The following ATP9B variants were observed in gnomAD, a reference collection of about 807,000 sequenced individuals.
ATP9B encodes ATPase phospholipid transporting 9B.
In ATP9B, 110 loss-of-function variants were observed where a neutral mutation model predicts 146.1. That is an observed-to-expected ratio of 0.75 (90% CI 0.65 to 0.88). The LOEUF (loss-of-function observed/expected upper bound fraction) is 0.88, where lower values mean the gene tolerates loss of function less well. Ranked by LOEUF, ATP9B falls within the 40% of genes least tolerant of loss-of-function variation. The probability of loss-of-function intolerance (pLI) is 0.00; values close to 1 mark genes in which losing one functional copy is unlikely to be tolerated. For missense variants in ATP9B, 1,499 were observed against 1,496.4 expected (o/e 1.00, Z -0.03); for synonymous variants, 604 against 569.7 (o/e 1.06, Z -0.86).
chr18:79,303,914 A>G (rs2096607020), intron 14 of ATP9B, among the ~76,000 whole-genome samples, 198 bp downstream of exon 14: 1 of 152,206 alleles, frequency 6.6e-6, no homozygotes, highest in African/African-American at 2.4e-5. Context: ...GAAATCGTAG[A>G]AGGCATAGTG....
chr18:79,084,844 G>A (rs978463049), intron 1 of ATP9B, among the ~76,000 whole-genome samples: 2 of 152,120 alleles, frequency 1.3e-5, no homozygotes, highest in South Asian at 4.1e-4. Context: ...GTATTTAAAA[G>A]ATAACGTTGG....
chr18:79,336,103 CCA>C (rs2147239496), intron 17 of ATP9B, among the ~76,000 whole-genome samples: 1 of 147,682 alleles, frequency 6.8e-6, no homozygotes, highest in Admixed American at 6.7e-5. Flanking sequence ...TGTGCACCCA[CCA>C]TGCCCTCCCT....
chr18:79,241,508 G>T (rs1346881287), intron 11 of ATP9B, among the ~76,000 whole-genome samples: 1 of 152,118 alleles, frequency 6.6e-6, no homozygotes, highest in Non-Finnish European at 1.5e-5. Context: ...TGCTGATCAG[G>T]TTCCATACAG....
chr18:79,253,413 G>A lies in ATP9B; in HGVS notation c.1140G>A (p.Leu380=). The change falls in exon 12 of 30, where the codon CTG becomes CTA. Residue 380 remains leucine (L), a synonymous_variant. Transcript: ENST00000426216. The stretch of plus-strand genomic sequence containing the variant: ...TGTTGGACCTTGAACTCAATCGGCT[G>A]ACGAAAGCGCTATTTTTGGCTTTAG... ...VGLLDLELNR[L]TKALFLALVA... is the part of the protein sequence containing the mutation. 6.2e-7 allele frequency: 1 copy of A among 1,611,590 alleles called. No homozygotes were observed. Among genetic ancestry groups the A allele is most frequent in the Middle Eastern group, 1.7e-4 (1 of 6,058 alleles).
intron 19 of ATP9B, among the ~76,000 whole-genome samples, chr18:79,339,289 T>TAGGAAGTGTGTCATGATCGG (rs1568745957): frequency 1.5e-4 from 1 of 6,656 alleles, no homozygotes; most frequent in Non-Finnish European, 3.7e-4. Flanking sequence ...GTCATGATCG[T>TAGGAAGTGTGTCATGATCGG]AGTAGGAAGT....
At chr18:79,206,542 C>A (rs888778624) in intron 9 of ATP9B, among the ~76,000 whole-genome samples, 2 of 152,034 alleles carry the variant, frequency 1.3e-5, no homozygotes, top group Admixed American at 6.6e-5. Context: ...CACCTGTAAA[C>A]CTAGCTACTT....
At chr18:79,094,254 TCGGGGG>T (rs1259492091) in intron 1 of ATP9B, among the ~76,000 whole-genome samples, 1 of 152,238 alleles carries the variant, frequency 6.6e-6, no homozygotes, top group Non-Finnish European at 1.5e-5. Context: ...TTTTTGCAGC[TCGGGGG>T]TGAGCCTGGG....
At chr18:79,116,922 T>TAAAAAAAAAAAAAAAAATAAA (rs781553384) in intron 4 of ATP9B, among the ~76,000 whole-genome samples, 1 of 59,822 alleles carries the variant, frequency 1.7e-5, no homozygotes, top group Non-Finnish European at 3.8e-5. Flanking sequence ...TAGAGTATAA[T>TAAAAAAAAAAAAAAAAATAAA]AAAAAAAAAA....
intron 14 of ATP9B, among the ~76,000 whole-genome samples, chr18:79,304,108 C>T (rs1043751620): frequency 1.3e-5 from 2 of 151,598 alleles, no homozygotes; most frequent in African/African-American, 2.4e-5. Context: ...TTTGCCTTTT[C>T]GGTAGATAAA....
intron 9 of ATP9B, among the ~76,000 whole-genome samples, chr18:79,200,789 G>GTCGGGGTCA (rs1600408337): frequency 6.3e-5 from 5 of 79,118 alleles, no homozygotes; most frequent in East Asian, 6.3e-4. Context: ...AAGTAGTGGT[G>GTCGGGGTCA]GAATTGTTTT....
chr18:79,262,414 A>G (rs1041777692), intron 12 of ATP9B, among the ~76,000 whole-genome samples: 5 of 152,176 alleles, frequency 3.3e-5, no homozygotes, highest in African/African-American at 1.2e-4. Context: ...TTTATTTTAT[A>G]TATACAAACC....
chr18:79,306,020 G>T (rs1483685196), intron 14 of ATP9B, among the ~76,000 whole-genome samples: 1 of 152,236 alleles, frequency 6.6e-6, no homozygotes, highest in Non-Finnish European at 1.5e-5. Flanking sequence ...TGAGTTTGCT[G>T]TCTCGCAGCA....
At chr18:79,143,291 CT>C (rs1255413120) in intron 5 of ATP9B, among the ~76,000 whole-genome samples, 1 of 152,182 alleles carries the variant, frequency 6.6e-6, no homozygotes, top group Non-Finnish European at 1.5e-5. Context: ...AGAGAAATCA[CT>C]TTTAGTAATA....
intron 13 of ATP9B, among the ~76,000 whole-genome samples, chr18:79,287,067 G>A (rs1407470490): frequency 6.6e-6 from 1 of 152,172 alleles, no homozygotes; most frequent in Non-Finnish European, 1.5e-5. Context: ...AAGGATACTG[G>A]TCTAAAATTC....
chr18:79,252,253 G>A (rs1449683381), intron 11 of ATP9B, among the ~76,000 whole-genome samples: 2 of 152,228 alleles, frequency 1.3e-5, no homozygotes, highest in African/African-American at 4.8e-5. Flanking sequence ...GGGCTGTAAG[G>A]AAAACATCCC....
At chr18:79,356,467 A>C (rs1367112862) in intron 25 of ATP9B, among the ~76,000 whole-genome samples, 3 of 152,210 alleles carry the variant, frequency 2.0e-5, no homozygotes, top group African/African-American at 7.2e-5. Flanking sequence ...TGTGATCAAA[A>C]ACTAGGACCA....
At chr18:79,285,496 C>A (rs1396671625) in intron 13 of ATP9B, among the ~76,000 whole-genome samples, 3 of 152,120 alleles carry the variant, frequency 2.0e-5, no homozygotes, top group Non-Finnish European at 4.4e-5. Flanking sequence ...TATTTGAGTT[C>A]ATTGTAGATT....
chr18:79,099,099 T>TTC (rs1313891119), intron 2 of ATP9B, among the ~76,000 whole-genome samples: 2 of 152,242 alleles, frequency 1.3e-5, no homozygotes, highest in Non-Finnish European at 2.9e-5. Context: ...TCTAGCTTCA[T>TTC]AAGATGAATG....
At chr18:79,084,344 TAG>T (rs1391063100) in intron 1 of ATP9B, among the ~76,000 whole-genome samples, 1 of 152,030 alleles carries the variant, frequency 6.6e-6, no homozygotes, top group Admixed American at 6.5e-5. Context: ...ACCATATCTA[TAG>T]AGTTTTTTCA....
Sources: gnomAD v4.1 joint callset for allele counts (sites outside exome capture counted in the v4.1 genomes callset) on GRCh38, gnomAD v4.1.1 for gene constraint, MANE v1.5 for transcripts, NCBI Gene and HGNC (gene_info 2026-07-23, HGNC 2026-07-21) for gene names.